The following CNTN4 variants were observed in gnomAD, a reference collection of about 807,000 sequenced individuals.
CNTN4 encodes the protein contactin-4.
In CNTN4, 77 loss-of-function variants were observed where a neutral mutation model predicts 122.5. The observed-to-expected ratio is 0.63, with a 90% confidence interval of 0.52 to 0.76. The LOEUF (loss-of-function observed/expected upper bound fraction) is 0.76, where lower values mean the gene tolerates loss of function less well. Ranked by LOEUF, CNTN4 falls within the 30% of genes least tolerant of loss-of-function variation. The pLI, the probability that CNTN4 is intolerant of heterozygous loss-of-function variation, is 0.00. For synonymous variants in CNTN4, 512 were observed against 447.0 expected (o/e 1.15, Z -1.83); for missense variants, 1,256 against 1,259.1 (o/e 1.00, Z 0.04).
chr3:2,899,996 A>G (rs2094155762), intron 10 of CNTN4, among the ~76,000 whole-genome samples: 2 of 152,222 alleles, frequency 1.3e-5, no homozygotes, highest in South Asian at 2.1e-4. Context: ...AAAGTAGCTT[A>G]GATGAAAAGT....
chr3:2,599,296 C>G (rs538957066), intron 4 of CNTN4, among the ~76,000 whole-genome samples: 1 of 152,136 alleles, frequency 6.6e-6, no homozygotes, highest in Non-Finnish European at 1.5e-5. Context: ...AGTGATTTCT[C>G]AAGATCATAG....
chr3:2,906,534 A>C (rs1304015628), intron 12 of CNTN4, among the ~76,000 whole-genome samples: 1 of 152,172 alleles, frequency 6.6e-6, no homozygotes, highest in Non-Finnish European at 1.5e-5. Context: ...CGGAAAATTT[A>C]AACTTGAAAA....
At chr3:2,710,740 A>G (rs1191876873) in intron 4 of CNTN4, among the ~76,000 whole-genome samples, 2 of 152,224 alleles carry the variant, frequency 1.3e-5, no homozygotes, top group African/African-American at 2.4e-5. Flanking sequence ...GAATAATTTC[A>G]TAAAGTTTGT....
At chr3:2,409,032 G>T (rs1458967560) in intron 3 of CNTN4, among the ~76,000 whole-genome samples, 1 of 152,090 alleles carries the variant, frequency 6.6e-6, no homozygotes, top group Non-Finnish European at 1.5e-5. Context: ...TGTCTTATGA[G>T]AATATCTTTT....
chr3:2,132,498 C>T (rs1374140602), intron 2 of CNTN4: 2 of 152,106 alleles, frequency 1.3e-5, no homozygotes, highest in Non-Finnish European at 2.9e-5. Flanking sequence ...TGAAGGTGAG[C>T]AGCTGTTTTA....
At chr3:2,647,403 A>G (rs1348534722) in intron 4 of CNTN4, among the ~76,000 whole-genome samples, 2 of 151,742 alleles carry the variant, frequency 1.3e-5, no homozygotes, top group Non-Finnish European at 2.9e-5. Flanking sequence ...ATAAATAAAT[A>G]AATAAATAAA....
chr3:2,380,978 T>C (rs2045995350), intron 3 of CNTN4, among the ~76,000 whole-genome samples: 1 of 152,018 alleles, frequency 6.6e-6, no homozygotes, highest in Non-Finnish European at 1.5e-5. Flanking sequence ...TTTTAAACCT[T>C]TCCCTTCTTT....
intron 2 of CNTN4, among the ~76,000 whole-genome samples, chr3:2,200,918 T>G (rs1045431725): frequency 2.6e-5 from 4 of 152,188 alleles, no homozygotes; most frequent in African/African-American, 9.7e-5. Flanking sequence ...TTTAAAATTT[T>G]GTGGTAGAAA....
At chr3:2,458,374 T>A (rs1559570366) in intron 3 of CNTN4, among the ~76,000 whole-genome samples, 1 of 152,160 alleles carries the variant, frequency 6.6e-6, no homozygotes, top group Non-Finnish European at 1.5e-5. Flanking sequence ...TGTATAACAG[T>A]CCTATAGGGT....
chr3:2,383,140 T>C (rs1174400254), intron 3 of CNTN4, among the ~76,000 whole-genome samples: 1 of 151,994 alleles, frequency 6.6e-6, no homozygotes, highest in East Asian at 1.9e-4. Context: ...TGTCTGACAT[T>C]AATTTTAAAA....
intron 4 of CNTN4, among the ~76,000 whole-genome samples, chr3:2,729,937 T>C (rs1337627755): frequency 6.6e-6 from 1 of 152,088 alleles, no homozygotes; most frequent in Admixed American, 6.6e-5. Flanking sequence ...AAATAAACTT[T>C]AGAATGCATA....
In CNTN4 at chr3:2,353,391, G is replaced by C. The variant is rs114536397; in HGVS notation, c.-89+14158G>C. ...AATAAAAGCAGGCTGCCCGATCCCTGCAGTGGCAACCGGGTCTGGTCCCCT... is the reference window on the plus strand; with the variant it reads ...AATAAAAGCAGGCTGCCCGATCCCTCCAGTGGCAACCGGGTCTGGTCCCCT... On this transcript the variant is annotated intron_variant, in intron 3 of 24. Transcript: ENST00000418658. 1.6e-3 allele frequency among the ~76,000 whole-genome samples: 248 copies of C among 152,292 alleles called. 1 individual carries two copies. The highest frequency in any genetic ancestry group is 2.4e-3 in the Non-Finnish European group (166 of 68,020).
intron 6 of CNTN4, among the ~76,000 whole-genome samples, chr3:2,818,084 T>G (rs1189248670): frequency 2.0e-5 from 3 of 152,200 alleles, no homozygotes; most frequent in African/African-American, 7.2e-5. Context: ...TTTGCTCTGA[T>G]TAGGTGTTAT....
At position 2,881,772 on chromosome 3, in the gene CNTN4, C is replaced by T. The variant is rs1410511433; in HGVS notation, c.653-1373C>T. Among the ~76,000 whole-genome samples the T allele has an allele frequency of 1.4e-5, 2 of 147,056 alleles. 1 individual carries two copies. Among genetic ancestry groups the T allele is most frequent in the Non-Finnish European group, 3.0e-5 (2 of 66,968 alleles). ...AAATCATTTCTCTTTGTGATTGCAC[C>T]TGTCCCCCATCCAGTGAGTGAAATC... On this transcript the variant is annotated intron_variant, in intron 8 of 24. Coordinates refer to ENST00000418658, the MANE Select transcript of CNTN4 (RefSeq NM_175607.3).
chr3:2,624,083 A>G (rs2082090616), intron 4 of CNTN4, among the ~76,000 whole-genome samples: 1 of 152,204 alleles, frequency 6.6e-6, no homozygotes, highest in Non-Finnish European at 1.5e-5. Context: ...ACTACTTTGA[A>G]ATTTCAGTAG....
intron 2 of CNTN4, among the ~76,000 whole-genome samples, chr3:2,279,501 T>G (rs537566288): frequency 6.6e-6 from 1 of 152,298 alleles, no homozygotes; most frequent in South Asian, 2.1e-4. Flanking sequence ...TGCGAGACAT[T>G]CTGTGAAACA....
At chr3:2,585,785 A>C (rs1371575828) in intron 4 of CNTN4, among the ~76,000 whole-genome samples, 2 of 151,692 alleles carry the variant, frequency 1.3e-5, no homozygotes, top group African/African-American at 4.9e-5. Context: ...ACACGTATAC[A>C]TATGTAACAA....
chr3:2,976,780 A>C (rs2125149800), intron 13 of CNTN4, among the ~76,000 whole-genome samples: 1 of 152,320 alleles, frequency 6.6e-6, no homozygotes, highest in Non-Finnish European at 1.5e-5. Context: ...TCAAGTATGT[A>C]AGCTTGGGCA....
chr3:2,772,780 T>A (rs2091160164), intron 6 of CNTN4, among the ~76,000 whole-genome samples: 1 of 152,178 alleles, frequency 6.6e-6, no homozygotes, highest in Non-Finnish European at 1.5e-5. Context: ...AAGATTAGAT[T>A]TTAAATCATG....
Sources: allele counts gnomAD v4.1 joint callset (sites outside exome capture counted in the v4.1 genomes callset), GRCh38; gene constraint gnomAD v4.1.1; transcripts MANE v1.5; gene names NCBI Gene and HGNC (gene_info 2026-07-23, HGNC 2026-07-21).